Variants in ITGA3 observed in about 807,000 individuals in gnomAD.
The protein encoded by ITGA3 is integrin alpha-3.
In ITGA3, 70 loss-of-function variants were observed where a neutral mutation model predicts 131.1. That is an observed-to-expected ratio of 0.53 (90% CI 0.44 to 0.65). The LOEUF (loss-of-function observed/expected upper bound fraction) is 0.65. ITGA3 is among the 30% of genes least tolerant of loss of function. The pLI is 0.00. For synonymous variants in ITGA3, 537 were observed against 571.6 expected, an observed-to-expected ratio of 0.94 and a Z score of 0.86; for missense variants, 1,098 against 1,388.6, an observed-to-expected ratio of 0.79 and a Z score of 3.33.
Position 50,074,087 on chromosome 17 carries a change from T to C in ITGA3, c.1246-57T>C, listed in dbSNP as rs1387363175. On this transcript the variant is annotated intron_variant, in intron 8 of 25. Coordinates refer to ENST00000320031, the MANE Select transcript of ITGA3 (RefSeq NM_002204.4). ...CTTTCCTTCACCCAACCCTTCCCTG[T>C]AGCCCCCTGGGCCCTGCTCCCCAGA... The C allele has an allele frequency of 2.1e-5, 33 of 1,555,892 alleles. No homozygotes were observed. The East Asian group carries it at 6.7e-4, about 32-fold the overall frequency.
chr17:50,079,374 C>T (rs371395603), intron 20 of ITGA3, 61 bp from the exon 21 acceptor site: 4 of 1,551,352 alleles, frequency 2.6e-6, no homozygotes, highest in Non-Finnish European at 1.7e-6. Flanking sequence ...CTTTCCTTTC[C>T]TGCAACCCTG....
At chr17:50,085,075 G>A (rs975521703) in intron 23 of ITGA3, among the ~76,000 whole-genome samples, 12 of 151,756 alleles carry the variant, frequency 7.9e-5, no homozygotes, top group Admixed American at 3.3e-4. Flanking sequence ...GGTGGCGGGC[G>A]CCTGTAATCC....
Position 50,078,125 on chromosome 17 carries a change from C to T in ITGA3, c.2219C>T (p.Thr740Met), listed in dbSNP as rs759928378. The T allele has an allele frequency of 9.9e-6, 16 of 1,613,606 alleles. No individual in the cohort carries two copies. Among genetic ancestry groups the T allele is most frequent in the Non-Finnish European group, 1.1e-5 (13 of 1,179,570 alleles). Residue 740 changes from threonine to methionine, a missense_variant and splice_region_variant, in exon 17 of 26, where the codon ACG becomes ATG. By Grantham distance (81) the Thr-to-Met change is moderately conservative. Around this residue, in one of 3 missense-constraint regions of ITGA3, gnomAD observed 699 missense variants for 829.2 expected, o/e 0.84. Coordinates refer to ENST00000320031, the MANE Select transcript of ITGA3 (RefSeq NM_002204.4). Reference sequence around the variant, plus strand: ...CTTCAGGTGCAGCTGCAGCTCTCCACGTGAGTGACCTCGAAAAGCCAGTCT... The same window carrying T: ...CTTCAGGTGCAGCTGCAGCTCTCCATGTGAGTGACCTCGAAAAGCCAGTCT... ...RDLQVQLQLS[T>M]SSHQDNLWPM... is the part of the protein sequence containing the mutation.
intron 3 of ITGA3, among the ~76,000 whole-genome samples, chr17:50,067,579 T>C (rs1476909681): frequency 6.6e-6 from 1 of 152,178 alleles, no homozygotes; most frequent in Non-Finnish European, 1.5e-5. Flanking sequence ...ACACTTAATA[T>C]GTGAGGAGTT....
At chr17:50,071,806 G>T in intron 6 of ITGA3, 180 bp from the exon 7 acceptor site, 1 of 631,330 alleles carries the variant, frequency 1.6e-6, no homozygotes, top group Non-Finnish European at 2.7e-6. Flanking sequence ...CTTCTATTTG[G>T]TGGGTCATAT....
At position 50,056,880 on chromosome 17, in the gene ITGA3, T is replaced by C. The variant is rs1424015188; in HGVS notation, c.206+235T>C. ...GTCTGGACGCCACCCCTCCGCCCTT[T>C]AGATCTCTCATGAGAGCGGAAGTGG... On this transcript the variant is annotated intron_variant, in intron 1 of 25. Transcript: ENST00000320031. The surrounding 1 kb of genome is among the most constrained non-coding windows in gnomAD (Gnocchi z 5.6). Among the ~76,000 whole-genome samples, 1 of 152,050 alleles carries C rather than the reference T, an allele frequency of 6.6e-6. No homozygotes were observed. Among genetic ancestry groups the C allele is most frequent in the Non-Finnish European group, 1.5e-5 (1 of 67,994 alleles).
At chr17:50,084,626 A>G (rs1340348538) in intron 23 of ITGA3, among the ~76,000 whole-genome samples, 1 of 152,152 alleles carries the variant, frequency 6.6e-6, no homozygotes, top group Non-Finnish European at 1.5e-5. Flanking sequence ...AGTGAAAAAA[A>G]AACAGGTTGC....
intron 1 of ITGA3, among the ~76,000 whole-genome samples, chr17:50,058,157 C>G (rs1311701524): frequency 6.6e-6 from 1 of 152,248 alleles, no homozygotes; most frequent in Non-Finnish European, 1.5e-5. Context: ...TGCCTGGTGA[C>G]CTTGAGCAAG....
At chr17:50,074,675 C>G in intron 10 of ITGA3, 141 bp downstream of exon 10, 1 of 644,592 alleles carries the variant, frequency 1.6e-6, no homozygotes, top group Admixed American at 2.9e-5. Context: ...CCCTCTCTAC[C>G]CAACCTCATT....
intron 4 of ITGA3, among the ~76,000 whole-genome samples, chr17:50,068,848 TTA>T (rs1317291856): frequency 1.7e-5 from 2 of 120,044 alleles, no homozygotes; most frequent in Admixed American, 1.1e-4. Context: ...ATTTATTTAT[TTA>T]TTTATTTATT....
At chr17:50,089,051 C>A in intron 25 of ITGA3, 59 bp from the exon 26 acceptor site, 1 of 1,443,128 alleles carries the variant, frequency 6.9e-7, no homozygotes, top group Non-Finnish European at 9.7e-7. Context: ...CCTGGCACTC[C>A]TTCCTGGTGG....
At position 50,076,648 on chromosome 17, in the gene ITGA3, C is replaced by T. The variant is rs577826992; in HGVS notation, c.1889C>T (p.Ala630Val). The change falls in exon 14 of 26, where the codon GCC becomes GTC. Residue 630 changes from alanine to valine, a missense_variant. Coordinates refer to ENST00000320031, the MANE Select transcript of ITGA3 (RefSeq NM_002204.4). ...GAGAGCAACTTGCAGATGCGGGCAGCCTTCGTGTCAGAGCAGCAGCAGAAG... is the reference window on the plus strand; with the variant it reads ...GAGAGCAACTTGCAGATGCGGGCAGTCTTCGTGTCAGAGCAGCAGCAGAAG... ...KCESNLQMRA[A>V]FVSEQQQKLS... The T allele has an allele frequency of 1.4e-4, 224 of 1,613,630 alleles. 3 individuals are homozygous for T. The South Asian group carries it at 2.4e-3, about 17-fold the overall frequency.
rs201009217 is a variant in ITGA3, at chr17:50,078,301, A to G, written c.2297+17A>G. The stretch of plus-strand genomic sequence containing the variant: ...GCTTAGCATGTGGGTACCGCTCTCC[A>G]CCACCCCCACCCCAGCCTGCTGTGC... On this transcript the variant is annotated intron_variant, in intron 18 of 25. Transcript: ENST00000320031. 1.2e-5 allele frequency: 20 copies of G among 1,601,948 alleles called. No homozygotes were observed. In the East Asian group the frequency reaches 4.2e-4, roughly 34 times the overall value.
intron 20 of ITGA3, 51 bp from the exon 21 acceptor site, chr17:50,079,384 G>C: frequency 1.3e-6 from 2 of 1,548,796 alleles, no homozygotes; most frequent in South Asian, 2.5e-5. Flanking sequence ...CTGCAACCCT[G>C]CTCCCAATTC....
chr17:50,085,790 GTATATTAGAT>G (rs1567705887), intron 23 of ITGA3, among the ~76,000 whole-genome samples: 328 of 30,834 alleles, frequency 0.011, 6 homozygotes, highest in Non-Finnish European at 0.018. Context: ...GATTTATAAT[GTATATTAGAT>G]TATACATTAT....
chr17:50,078,450 G>A (rs757049667), intron 18 of ITGA3, among the ~76,000 whole-genome samples, 166 bp downstream of exon 18: 20 of 151,980 alleles, frequency 1.3e-4, no homozygotes, highest in Non-Finnish European at 2.4e-4. Flanking sequence ...AATCACTATC[G>A]TTACCGTTAC....
intron 6 of ITGA3, chr17:50,071,766 G>C: frequency 1.6e-6 from 1 of 617,464 alleles, no homozygotes; most frequent in South Asian, 2.0e-5. Flanking sequence ...GGTTTGATTT[G>C]TGCCTGCATG....
At chr17:50,063,395 C>T (rs879039173) in intron 1 of ITGA3, 1 of 152,436 alleles carries the variant, frequency 6.6e-6, no homozygotes, top group Non-Finnish European at 1.5e-5. Context: ...CCCAGGTCTC[C>T]AAGATCTGAG....
intron 1 of ITGA3, among the ~76,000 whole-genome samples, chr17:50,062,323 A>G (rs2144259916): frequency 6.6e-6 from 1 of 152,312 alleles, no homozygotes; most frequent in South Asian, 2.1e-4. Context: ...CCCTAGACCC[A>G]GGTCCGTGGG....
Sources: gnomAD v4.1 joint callset for allele counts (sites outside exome capture counted in the v4.1 genomes callset) on GRCh38, gnomAD v4.1.1 for gene constraint, gnomAD v4.1.1 regional missense constraint, Gnocchi (gnomAD v3.1) non-coding constraint, MANE v1.5 for transcripts, NCBI Gene and HGNC (gene_info 2026-07-23, HGNC 2026-07-21) for gene names.